The following ALKBH8 variants were observed in gnomAD, a reference collection of about 807,000 sequenced individuals.
ALKBH8 encodes alkB homolog 8, tRNA methyltransferase, also known as tRNA (carboxymethyluridine(34)-5-O)-methyltransferase ALKBH8.
A neutral mutation model predicts 59.8 loss-of-function variants in ALKBH8; 36 were observed. That is an observed-to-expected ratio of 0.60 (90% CI 0.46 to 0.79). The LOEUF (loss-of-function observed/expected upper bound fraction) is 0.79. Among genes scored for constraint, ALKBH8 ranks in the 30% least tolerant of loss-of-function variants. The pLI is 0.00. For missense variants in ALKBH8, 768 were observed against 801.0 expected (o/e 0.96, Z 0.50); for synonymous variants, 276 against 273.6 (o/e 1.01, Z -0.09).
chr11:107,534,029 C>T (rs1410733442), intron 7 of ALKBH8, among the ~76,000 whole-genome samples: 1 of 152,070 alleles, frequency 6.6e-6, no homozygotes. Context: ...ACTCAGGAGG[C>T]TGAGGCAGGG....
intron 7 of ALKBH8, among the ~76,000 whole-genome samples, chr11:107,547,088 A>G (rs1195238746): frequency 6.6e-6 from 1 of 152,232 alleles, no homozygotes; most frequent in African/African-American, 2.4e-5. Flanking sequence ...TAAGCCAAAC[A>G]AAACGAAAAA....
At chr11:107,522,146 A>G (rs1216045763) in intron 10 of ALKBH8, among the ~76,000 whole-genome samples, 153 bp downstream of exon 10, 2 of 152,240 alleles carry the variant, frequency 1.3e-5, no homozygotes, top group Admixed American at 6.5e-5. Context: ...TCCTAGAGGA[A>G]TAAGAAAGAA....
intron 7 of ALKBH8, among the ~76,000 whole-genome samples, chr11:107,545,188 TG>T (rs976237674): frequency 1.3e-5 from 2 of 152,194 alleles, no homozygotes; most frequent in Non-Finnish European, 2.9e-5. Flanking sequence ...CCAGTATGTC[TG>T]CGGTCCAGAC....
At chr11:107,562,283 G>A (rs1205685801) in intron 1 of ALKBH8, among the ~76,000 whole-genome samples, 3 of 143,304 alleles carry the variant, frequency 2.1e-5, no homozygotes, top group Non-Finnish European at 4.5e-5. Flanking sequence ...TGGCAACAGA[G>A]TGAAATTCCA....
At chr11:107,522,640 C>G in intron 9 of ALKBH8, 85 bp from the exon 10 acceptor site, 2 of 1,372,934 alleles carry the variant, frequency 1.5e-6, no homozygotes, top group Non-Finnish European at 1.9e-6. Context: ...AAAAAAAAAT[C>G]AATGCAAATT....
At chr11:107,519,773 A>G (rs988672414) in intron 10 of ALKBH8, among the ~76,000 whole-genome samples, 1 of 152,184 alleles carries the variant, frequency 6.6e-6, no homozygotes, top group African/African-American at 2.4e-5. Flanking sequence ...CGTATTAGGG[A>G]TGCTAAACCT....
intron 6 of ALKBH8, 102 bp from the exon 7 acceptor site, chr11:107,549,925 TGGTA>T (rs1197413546): frequency 1.3e-6 from 1 of 783,984 alleles, no homozygotes; most frequent in African/African-American, 1.7e-5. Context: ...AAACATTGCT[TGGTA>T]ATCAGGAAGG....
intron 1 of ALKBH8, chr11:107,562,799 A>G (rs993428784): frequency 1.3e-5 from 2 of 152,084 alleles, no homozygotes; most frequent in Non-Finnish European, 2.9e-5. Flanking sequence ...TTAATTAGAA[A>G]TGCTGGCCTG....
intron 9 of ALKBH8, among the ~76,000 whole-genome samples, chr11:107,524,485 C>CT (rs1863268099): frequency 6.6e-6 from 1 of 152,302 alleles, no homozygotes; most frequent in South Asian, 2.1e-4. Flanking sequence ...TCCAACTACA[C>CT]TTTAAGTTCC....
chr11:107,522,426 C>T lies in ALKBH8; in HGVS notation c.1160G>A (p.Ser387Asn). 6.4e-7 allele frequency: 1 copy of T among 1,551,784 alleles called. No homozygotes were observed. The highest frequency in any genetic ancestry group is 1.2e-5 in the South Asian group (1 of 84,062). ...QVYEEIAGHF[S>N]STRHTPWPHI... ...CGGCCAAGGGGTATGTCTTGTGCTG[C>T]TGAAGTGCCCAGCAATCTCTTCATA... The change falls in exon 10 of 12, where the codon AGC becomes AAC. Residue 387 changes from serine (S) to asparagine (N), a missense_variant. Physicochemically the swap from Ser to Asn is conservative, Grantham distance 46 (BLOSUM62 1). Coordinates refer to ENST00000428149, the MANE Select transcript of ALKBH8 (RefSeq NM_138775.3).
rs766558531 is a variant in ALKBH8, at chr11:107,525,614, A to C, written c.879-22T>G. The C allele has an allele frequency of 4.4e-6, 6 of 1,352,370 alleles. No homozygotes were observed. In the Admixed American group the frequency reaches 1.1e-4, roughly 24 times the overall value. The allele number at this position is 1,352,370 out of a possible 1,614,324, so 83.8% of individuals were successfully genotyped here. ...GATTCTAAAAACAATAGTCAAAAAA[A>C]TTTACTTAACATTGTATTAATAAAA... On this transcript the variant is annotated intron_variant, in intron 8 of 11. Transcript: ENST00000428149.
chr11:107,541,585 C>A (rs1864037530), intron 7 of ALKBH8, among the ~76,000 whole-genome samples: 1 of 152,180 alleles, frequency 6.6e-6, no homozygotes, highest in African/African-American at 2.4e-5. Flanking sequence ...ATCCCACTGT[C>A]CTTGGAGTTG....
chr11:107,541,377 A>C (rs1864027491), intron 7 of ALKBH8, among the ~76,000 whole-genome samples: 1 of 152,174 alleles, frequency 6.6e-6, no homozygotes, highest in Non-Finnish European at 1.5e-5. Flanking sequence ...ATAAGCTAAA[A>C]CCCAAGTCCC....
intron 3 of ALKBH8, among the ~76,000 whole-genome samples, chr11:107,555,059 A>G (rs1208777919): frequency 3.3e-5 from 5 of 152,104 alleles, no homozygotes; most frequent in African/African-American, 1.2e-4. Context: ...GGAGATCAAG[A>G]CCATCCTGGC....
At chr11:107,555,224 C>T (rs1864658282) in intron 3 of ALKBH8, among the ~76,000 whole-genome samples, 1 of 152,032 alleles carries the variant, frequency 6.6e-6, no homozygotes, top group African/African-American at 2.4e-5. Context: ...CGTGCCACTG[C>T]ACTCCAGCCT....
rs551515717 is a variant in ALKBH8, at chr11:107,517,255, C to A, written c.1287+5044G>T. ...TTAGATCTGGCCATTATCAAAGAGA[C>A]AAAAGATAACAAACGGCGTTGAGGA... On this transcript the variant is annotated intron_variant, in intron 10 of 11. Coordinates refer to ENST00000428149, the MANE Select transcript of ALKBH8 (RefSeq NM_138775.3). 1.2e-4 allele frequency among the ~76,000 whole-genome samples: 19 copies of A among 152,106 alleles called. No homozygotes were observed. The South Asian group carries it at 2.9e-3, about 23-fold the overall frequency.
In ALKBH8 at chr11:107,525,463, C is replaced by T; in HGVS notation, c.1008G>A (p.Val336=). ...TACTACAGTTACAAGGTGTTTGCCT[C>T]ACTTTCCTAAATGTAAATGATGTTC... is the stretch of plus-strand genomic sequence containing the variant. ...GLRTSFTFRK[V]RQTPCNCSYP... is the part of the protein sequence containing the mutation. The change falls in exon 9 of 12, where the codon GTG becomes GTA. Residue 336 remains valine, a synonymous_variant. Transcript: ENST00000428149. 6.5e-7 allele frequency: 1 copy of T among 1,545,264 alleles called. No homozygotes were observed. The highest frequency in any genetic ancestry group is 8.7e-7 in the Non-Finnish European group (1 of 1,144,130).
intron 7 of ALKBH8, among the ~76,000 whole-genome samples, chr11:107,546,697 G>A (rs1246221860): frequency 6.6e-6 from 1 of 152,010 alleles, no homozygotes; most frequent in East Asian, 1.9e-4. Context: ...GTTAATTGCA[G>A]CTAAATCATC....
intron 1 of ALKBH8, chr11:107,563,868 A>G (rs758645986): frequency 4.6e-5 from 7 of 152,218 alleles, no homozygotes; most frequent in Non-Finnish European, 7.3e-5. Flanking sequence ...TCTCTCCCTC[A>G]GTCATGCAAT....
Sources: allele counts gnomAD v4.1 joint callset (sites outside exome capture counted in the v4.1 genomes callset), GRCh38; gene constraint gnomAD v4.1.1; transcripts MANE v1.5; gene names NCBI Gene and HGNC (gene_info 2026-07-23, HGNC 2026-07-21).